Variants in HPSE2 observed in about 807,000 individuals in gnomAD.
The protein encoded by HPSE2 is heparanase 2 (inactive).
A neutral mutation model predicts 60.5 loss-of-function variants in HPSE2; 38 were observed. The observed-to-expected ratio is 0.63, with a 90% CI of 0.48 to 0.82. The LOEUF is 0.82. Ranked by LOEUF, HPSE2 falls within the 40% of genes least tolerant of loss-of-function variation. The pLI, the probability that HPSE2 is intolerant of heterozygous loss-of-function variation, is 0.00. For synonymous variants in HPSE2, 295 were observed against 293.2 expected, an observed-to-expected ratio of 1.01 and a Z score of -0.06; for missense variants, 713 against 740.4, an observed-to-expected ratio of 0.96 and a Z score of 0.43.
chr10:98,890,504 T>C (rs1953303648), intron 3 of HPSE2, among the ~76,000 whole-genome samples: 1 of 152,186 alleles, frequency 6.6e-6, no homozygotes, highest in Non-Finnish European at 1.5e-5. Context: ...TACATACTTG[T>C]ATATAAAGGC....
the HPSE2 span, among the ~76,000 whole-genome samples, chr10:99,295,799 G>A: frequency 2.0e-5 from 3 of 152,204 alleles, no homozygotes; most frequent in African/African-American, 7.2e-5. Flanking sequence ...ATCCTCATCT[G>A]TAGAATGGGG....
chr10:98,898,864 G>C (rs963709075), intron 3 of HPSE2, among the ~76,000 whole-genome samples: 12 of 152,098 alleles, frequency 7.9e-5, no homozygotes, highest in African/African-American at 2.7e-4. Flanking sequence ...AACTGATTTT[G>C]ACAAAAGTGC....
chr10:99,021,059 A>G (rs1957250662), intron 3 of HPSE2, among the ~76,000 whole-genome samples: 1 of 152,194 alleles, frequency 6.6e-6, no homozygotes, highest in African/African-American at 2.4e-5. Flanking sequence ...ACACAGCAGT[A>G]AAGAACTCGA....
intron 9 of HPSE2, among the ~76,000 whole-genome samples, chr10:98,559,657 C>G (rs914818350): frequency 6.6e-6 from 1 of 152,112 alleles, no homozygotes; most frequent in African/African-American, 2.4e-5. Flanking sequence ...TGTTCAAGAG[C>G]AGGTGAAGAG....
intron 7 of HPSE2, among the ~76,000 whole-genome samples, chr10:98,627,595 A>G (rs1016416534): frequency 6.6e-6 from 1 of 152,170 alleles, no homozygotes; most frequent in African/African-American, 2.4e-5. Flanking sequence ...TTACTGCATG[A>G]CTTTGAATGA....
chr10:98,960,875 A>G (rs906959033), intron 3 of HPSE2, among the ~76,000 whole-genome samples: 2 of 135,536 alleles, frequency 1.5e-5, no homozygotes, highest in Non-Finnish European at 3.2e-5. Flanking sequence ...ATATCTCCCA[A>G]TGCTATCCCT....
chr10:99,074,132 C>G (rs1589613618), intron 3 of HPSE2, among the ~76,000 whole-genome samples: 1 of 152,140 alleles, frequency 6.6e-6, no homozygotes, highest in East Asian at 1.9e-4. Flanking sequence ...ATGCCTTGTT[C>G]CCAATCCTAC....
At chr10:99,258,420 A>ATGT in the HPSE2 span, among the ~76,000 whole-genome samples, 3 of 151,842 alleles carry the variant, frequency 2.0e-5, no homozygotes, top group Middle Eastern at 6.8e-3. Flanking sequence ...CTTTGACCCT[A>ATGT]TGTTGAAATA....
At chr10:98,702,402 C>T (rs190275295) in intron 5 of HPSE2, among the ~76,000 whole-genome samples, 205 of 152,164 alleles carry the variant, frequency 1.3e-3, no homozygotes, top group African/African-American at 4.7e-3. Context: ...GACAGATCAA[C>T]GAGACAGAAA....
At chr10:99,007,328 G>A (rs1365670880) in intron 3 of HPSE2, among the ~76,000 whole-genome samples, 1 of 152,108 alleles carries the variant, frequency 6.6e-6, no homozygotes, top group Non-Finnish European at 1.5e-5. Context: ...GGCAGCATCC[G>A]ATGCTCACTT....
chr10:98,471,927 A>C (rs748610349), intron 11 of HPSE2, among the ~76,000 whole-genome samples: 1 of 152,220 alleles, frequency 6.6e-6, no homozygotes, highest in African/African-American at 2.4e-5. Flanking sequence ...TCTTCAGGCA[A>C]GAGGAACTAA....
chr10:99,251,604 C>T, the HPSE2 span, among the ~76,000 whole-genome samples: 28 of 37,790 alleles, frequency 7.4e-4, no homozygotes, highest in African/African-American at 1.1e-3. Flanking sequence ...ACTAGCAAAC[C>T]GAATCCAGCA....
At chr10:98,957,759 C>T (rs796534776) in intron 3 of HPSE2, among the ~76,000 whole-genome samples, 9 of 152,280 alleles carry the variant, frequency 5.9e-5, no homozygotes, top group African/African-American at 1.9e-4. Context: ...ATCATGTAGG[C>T]ATGCCATGAA....
chr10:98,721,563 A>AAATG (rs1456408716), intron 5 of HPSE2, 94 bp downstream of exon 5: 5 of 1,264,454 alleles, frequency 4.0e-6, no homozygotes, highest in Non-Finnish European at 5.5e-6. Context: ...AGACCAAAAT[A>AAATG]AATAAATAAA....
At chr10:98,527,290 TAA>T (rs1200190326) in intron 9 of HPSE2, among the ~76,000 whole-genome samples, 2 of 152,210 alleles carry the variant, frequency 1.3e-5, no homozygotes, top group Admixed American at 6.5e-5. Flanking sequence ...CAGTTCCTTG[TAA>T]AGTTTCTTTA....
chr10:99,094,600 A>G lies in HPSE2; in HGVS notation c.610+49638T>C, dbSNP rs1589646243. 2.6e-5 allele frequency among the ~76,000 whole-genome samples: 3 copies of G among 115,648 alleles called. 1 individual carries two copies. The Middle Eastern group carries it at 0.024, about 918-fold the overall frequency. The allele number at this position is 115,648 out of a possible 152,430, so 75.9% of individuals were successfully genotyped here. ...GAGACAGAGTCTTTCTCTGTGGCCCAGGCTGGAGTGCAGTGGTGCCATCTT... is the reference window on the plus strand; with the variant it reads ...GAGACAGAGTCTTTCTCTGTGGCCCGGGCTGGAGTGCAGTGGTGCCATCTT... On this transcript the variant is annotated intron_variant, in intron 3 of 11. Transcript: ENST00000370552.
chr10:98,732,803 A>G (rs1342509548), intron 4 of HPSE2, among the ~76,000 whole-genome samples: 1 of 152,214 alleles, frequency 6.6e-6, no homozygotes, highest in African/African-American at 2.4e-5. Context: ...AAGCTTTTAG[A>G]CTAAAAGATG....
chr10:98,511,575 T>TGTGTGC, intron 9 of HPSE2, among the ~76,000 whole-genome samples: 1 of 150,768 alleles, frequency 6.6e-6, no homozygotes, highest in East Asian at 1.9e-4. Context: ...TGTGTGTGTG[T>TGTGTGC]GTGTGTGTGT....
chr10:98,766,011 G>C (rs1005403526), intron 3 of HPSE2, among the ~76,000 whole-genome samples: 1 of 151,870 alleles, frequency 6.6e-6, no homozygotes, highest in Non-Finnish European at 1.5e-5. Context: ...TCTTCAAAAA[G>C]ATCAGTAAAA....
Sources: allele counts gnomAD v4.1 joint callset (sites outside exome capture counted in the v4.1 genomes callset), GRCh38; gene constraint gnomAD v4.1.1; transcripts MANE v1.5; gene names NCBI Gene and HGNC (gene_info 2026-07-23, HGNC 2026-07-21).